CD1A: variants seen among roughly 807,000 people sequenced by gnomAD.
CD1A encodes the protein CD1a molecule.
In CD1A, 50 loss-of-function variants were observed where a neutral mutation model predicts 38.3. The ratio of observed to expected loss-of-function variants is 1.30; its 90% CI spans 1.04 to 1.65. The LOEUF (loss-of-function observed/expected upper bound fraction) is 1.65, where lower values mean the gene tolerates loss of function less well. Among genes scored for constraint, CD1A ranks in the 40% most tolerant of loss-of-function variants. The pLI is 0.00. For synonymous variants in CD1A, 160 were observed against 150.8 expected (o/e 1.06, Z -0.45); for missense variants, 459 against 406.1 (o/e 1.13, Z -1.12).
upstream of CD1A, among the ~76,000 whole-genome samples, chr1:158,250,442 G>A (rs79176838): frequency 0.02 from 3,061 of 152,294 alleles, 57 homozygotes; most frequent in Admixed American, 0.028. Flanking sequence ...CATTGGTTGC[G>A]TGCCCCATGA....
Position 158,256,836 on chromosome 1 carries a change from C to G in CD1A, c.655C>G (p.Leu219Val). The G allele has an allele frequency of 6.2e-7, 1 of 1,614,260 alleles. No homozygotes were observed. Among genetic ancestry groups the G allele is most frequent in the Non-Finnish European group, 8.5e-7 (1 of 1,180,056 alleles). Residue 219 changes from leucine to valine, a missense_variant, in exon 4 of 6, where the codon CTG becomes GTG. Physicochemically the swap from Leu to Val is conservative, Grantham distance 32. Coordinates refer to ENST00000289429, the MANE Select transcript of CD1A (RefSeq NM_001763.3). Reference protein sequence around the residue: ...SHGPSPGPGHLQLVCHVSGFY... With the variant: ...SHGPSPGPGHVQLVCHVSGFY... ...TGGCCCCAGTCCTGGCCCTGGCCAT[C>G]TGCAGCTTGTGTGCCATGTCTCAGG... is the stretch of plus-strand genomic sequence containing the variant.
At position 158,256,214 on chromosome 1, in the gene CD1A, T is replaced by C; in HGVS notation, c.536T>C (p.Leu179Pro). The change falls in exon 3 of 6, where the codon CTC becomes CCC. Residue 179 changes from leucine (L) to proline (P), a missense_variant. Transcript: ENST00000289429. The part of the protein sequence containing the change: ...QHENDITHNL[L>P]SDTCPRFILG... The stretch of plus-strand genomic sequence containing the variant: ...GAAAATGACATAACACACAATCTTC[T>C]CAGTGACACCTGCCCACGTTTCATC... 6.2e-7 allele frequency: 1 copy of C among 1,614,142 alleles called. No homozygotes were observed.
At chr1:158,249,671 TTCTC>T (rs1203184159), upstream of CD1A, among the ~76,000 whole-genome samples, 7 of 152,222 alleles carry the variant, frequency 4.6e-5, no homozygotes, top group Non-Finnish European at 8.8e-5. Context: ...CTTCTGAAGT[TTCTC>T]TCTCTTTCTG....
At chr1:158,251,649 T>A (rs1650092160), upstream of CD1A, among the ~76,000 whole-genome samples, 1 of 152,200 alleles carries the variant, frequency 6.6e-6, no homozygotes, top group Admixed American at 6.5e-5. Flanking sequence ...TGCAGTCTCA[T>A]TCTTAGGCAG....
chr1:158,253,169 C>A (rs1650131817), upstream of CD1A, among the ~76,000 whole-genome samples: 1 of 152,048 alleles, frequency 6.6e-6, no homozygotes, highest in East Asian at 1.9e-4. Flanking sequence ...TAGTAAATAG[C>A]CCAGACACAT....
chr1:158,252,442 C>T (rs919717768), upstream of CD1A, among the ~76,000 whole-genome samples: 1 of 152,062 alleles, frequency 6.6e-6, no homozygotes, highest in African/African-American at 2.4e-5. Context: ...TGGCATCTGT[C>T]CCAAGTAAAC....
At chr1:158,248,505 G>C in the CD1A span, 5 of 679,314 alleles carry the variant, frequency 7.4e-6, no homozygotes, top group Non-Finnish European at 9.1e-6. Context: ...GTGGCAAAGG[G>C]AAGAATATGG....
Position 158,256,050 on chromosome 1 carries a change from A to G in CD1A, c.372A>G (p.Gly124=), listed in dbSNP as rs758184194. 3 of 1,614,170 alleles carry G rather than the reference A, an allele frequency of 1.9e-6. No individual in the cohort carries two copies. The East Asian group carries it at 6.7e-5, about 36-fold the overall frequency. The change falls in exon 3 of 6, where the codon GGA becomes GGG. Residue 124 remains glycine, a synonymous_variant. Coordinates refer to ENST00000289429, the MANE Select transcript of CD1A (RefSeq NM_001763.3). ...CAGGAGGCTGTGAGCTGCACTCTGGAAAGGTCTCAGGAAGCTTCTTGCAGT... is the reference window on the plus strand; with the variant it reads ...CAGGAGGCTGTGAGCTGCACTCTGGGAAGGTCTCAGGAAGCTTCTTGCAGT... ...QVTGGCELHS[G]KVSGSFLQLA...
At chr1:158,249,470 C>G (rs1429705651), upstream of CD1A, among the ~76,000 whole-genome samples, 1 of 152,104 alleles carries the variant, frequency 6.6e-6, no homozygotes, top group East Asian at 1.9e-4. Flanking sequence ...TGATCACATT[C>G]ATGAGGGCTC....
intron 5 of CD1A, 45 bp downstream of exon 5, chr1:158,257,556 A>C (rs752370233): frequency 8.9e-6 from 14 of 1,580,622 alleles, no homozygotes; most frequent in Non-Finnish European, 1.2e-5. Context: ...CCTCTACCCC[A>C]CTTTTCTTCC....
At chr1:158,257,143 T>C (rs1297964041) in intron 4 of CD1A, 79 bp downstream of exon 4, 3 of 1,502,294 alleles carry the variant, frequency 2.0e-6, no homozygotes, top group Non-Finnish European at 2.7e-6. Context: ...CTGAAAATTT[T>C]AGGATTTTAG....
At chr1:158,248,395 G>A in the CD1A span, 43 of 985,356 alleles carry the variant, frequency 4.4e-5, no homozygotes, top group East Asian at 1.1e-4. Flanking sequence ...CCATGTTTGC[G>A]TTTGGAGGAG....
In CD1A at chr1:158,256,290, C is replaced by T. The variant is rs369412906; in HGVS notation, c.604+8C>T. 4.4e-6 allele frequency: 7 copies of T among 1,606,320 alleles called. No homozygotes were observed. The African/African-American group carries it at 6.7e-5, about 15-fold the overall frequency. On this transcript the variant is annotated splice_region_variant and intron_variant, in intron 3 of 5. Transcript: ENST00000289429. The stretch of plus-strand genomic sequence containing the variant: ...CACATCTCCAGCGGCAAGGTCAGTC[C>T]TGCACTCTCCCTCCAAGAAGTTTTG...
chr1:158,257,136 A>G, intron 4 of CD1A, 72 bp downstream of exon 4: 1 of 1,519,382 alleles, frequency 6.6e-7, no homozygotes, highest in Non-Finnish European at 8.8e-7. Flanking sequence ...GGGCAAGCTG[A>G]AAATTTTAGG....
At chr1:158,252,155 A>C (rs1650108544), upstream of CD1A, among the ~76,000 whole-genome samples, 5 of 150,256 alleles carry the variant, frequency 3.3e-5, no homozygotes, top group Middle Eastern at 3.4e-3. Flanking sequence ...TCTATGTTGC[A>C]ATAGAGGAGA....
At chr1:158,249,700 G>A (rs1450351875), upstream of CD1A, among the ~76,000 whole-genome samples, 1 of 152,142 alleles carries the variant, frequency 6.6e-6, no homozygotes, top group East Asian at 1.9e-4. Context: ...AACCTGTTAT[G>A]GTGTTTTGTT....
At chr1:158,251,387 A>C (rs1650083859), upstream of CD1A, among the ~76,000 whole-genome samples, 1 of 152,176 alleles carries the variant, frequency 6.6e-6, no homozygotes, top group Non-Finnish European at 1.5e-5. Context: ...TCTGGAGCTA[A>C]CTGGGTTTGC....
upstream of CD1A, among the ~76,000 whole-genome samples, chr1:158,252,226 G>A (rs1210912800): frequency 1.3e-5 from 2 of 151,394 alleles, no homozygotes; most frequent in South Asian, 2.1e-4. Flanking sequence ...CCTCAGGCCC[G>A]CATCATGAGA....
rs538916791 is a variant in CD1A, at chr1:158,255,306, C to T, written c.281C>T (p.Ser94Leu). Residue 94 changes from serine (S) to leucine (L), a missense_variant, in exon 2 of 6, where the codon TCA becomes TTA. Ser to Leu is a moderately radical substitution (Grantham distance 145, BLOSUM62 -2). Transcript: ENST00000289429. ...TTATTCCGTATACGCACCATTCGGT[C>T]ATTTGAGGGAATTCGTAGATACGCC... ...ETLFRIRTIRSFEGIRRYAHE... is the reference protein window; with the variant it reads ...ETLFRIRTIRLFEGIRRYAHE... 2 of 1,613,956 alleles carry T rather than the reference C, an allele frequency of 1.2e-6. No homozygotes were observed. The highest frequency in any genetic ancestry group is 2.7e-5 in the African/African-American group (2 of 74,894).
Sources: gnomAD v4.1 joint callset for allele counts (sites outside exome capture counted in the v4.1 genomes callset) on GRCh38, gnomAD v4.1.1 for gene constraint, MANE v1.5 for transcripts, NCBI Gene and HGNC (gene_info 2026-07-23, HGNC 2026-07-21) for gene names.